The following NAV2 variants were observed in gnomAD, a reference collection of about 807,000 sequenced individuals.
NAV2 encodes the protein helicase, APC down-regulated 1.
NAV2 carries 54 observed loss-of-function variants against 223.2 expected under a neutral mutation model. The ratio of observed to expected loss-of-function variants is 0.24; its 90% CI spans 0.19 to 0.30. NAV2 has a LOEUF of 0.30. Among genes scored for constraint, NAV2 ranks in the 10% least tolerant of loss-of-function variants. NAV2 has a pLI of 1.00. For synonymous variants in NAV2, 1,279 were observed against 1,239.3 expected (o/e 1.03, Z -0.67); for missense variants, 2,806 against 3,147.5 (o/e 0.89, Z 2.60).
chr11:19,468,748 C>A (rs1267883091), intron 1 of NAV2, among the ~76,000 whole-genome samples: 2 of 152,142 alleles, frequency 1.3e-5, no homozygotes, highest in East Asian at 3.8e-4. Context: ...TAGTAAATCT[C>A]AAAATTTGGA....
intron 1 of NAV2, among the ~76,000 whole-genome samples, chr11:19,536,950 T>C (rs1432006513): frequency 6.6e-6 from 1 of 152,240 alleles, no homozygotes; most frequent in East Asian, 1.9e-4. Context: ...GCATGGTAAC[T>C]GGTTATTTAC....
intron 1 of NAV2, among the ~76,000 whole-genome samples, chr11:19,686,326 G>T (rs1565167420): frequency 6.6e-6 from 1 of 152,154 alleles, no homozygotes. Context: ...CAGACTGGGA[G>T]CTCCAGGAAG....
At chr11:19,586,411 G>A (rs538195654) in intron 1 of NAV2, among the ~76,000 whole-genome samples, 9 of 152,088 alleles carry the variant, frequency 5.9e-5, no homozygotes, top group Non-Finnish European at 7.3e-5. Context: ...GCTTTGTTCC[G>A]TTGCTGGTGA....
chr11:19,484,662 C>A (rs1564975311), intron 1 of NAV2, among the ~76,000 whole-genome samples: 1 of 152,196 alleles, frequency 6.6e-6, no homozygotes, highest in Non-Finnish European at 1.5e-5. Context: ...TCCATCTTGA[C>A]CCAGACCCCT....
At chr11:19,627,822 A>C (rs1029795747) in intron 1 of NAV2, among the ~76,000 whole-genome samples, 1 of 151,800 alleles carries the variant, frequency 6.6e-6, no homozygotes, top group Non-Finnish European at 1.5e-5. Context: ...CTCCAGAGAC[A>C]GGAAACCTAG....
At chr11:19,524,602 G>A (rs544051895) in intron 1 of NAV2, among the ~76,000 whole-genome samples, 1 of 152,318 alleles carries the variant, frequency 6.6e-6, no homozygotes, top group African/African-American at 2.4e-5. Flanking sequence ...TGGAGACAGT[G>A]AGCTGACGTC....
intron 1 of NAV2, among the ~76,000 whole-genome samples, chr11:19,525,574 G>C (rs1033569633): frequency 1.3e-5 from 2 of 152,172 alleles, no homozygotes; most frequent in African/African-American, 4.8e-5. Flanking sequence ...TAGAAGGCTG[G>C]GTAGTCCCTG....
intron 1 of NAV2, among the ~76,000 whole-genome samples, chr11:19,723,151 G>A (rs2050909532): frequency 6.6e-6 from 1 of 152,204 alleles, no homozygotes; most frequent in Admixed American, 6.5e-5. Flanking sequence ...GTTTTAGTTG[G>A]TTAGGAAAGG....
intron 1 of NAV2, among the ~76,000 whole-genome samples, chr11:19,436,993 A>C (rs1046014496): frequency 1.3e-5 from 2 of 152,080 alleles, no homozygotes; most frequent in Non-Finnish European, 2.9e-5. Flanking sequence ...AGTCTAAAGG[A>C]TTTTCTATAC....
At chr11:19,458,107 C>T (rs1303005434) in intron 1 of NAV2, among the ~76,000 whole-genome samples, 1 of 152,202 alleles carries the variant, frequency 6.6e-6, no homozygotes, top group Non-Finnish European at 1.5e-5. Context: ...CACCAGTCTG[C>T]AAGCCCAGCC....
intron 11 of NAV2, among the ~76,000 whole-genome samples, chr11:20,033,071 A>G (rs1343467474): frequency 6.6e-6 from 1 of 152,248 alleles, no homozygotes; most frequent in Non-Finnish European, 1.5e-5. Context: ...GCAGCATGAC[A>G]CAGACTAGAA....
chr11:19,939,215 A>G (rs577991084), intron 7 of NAV2, among the ~76,000 whole-genome samples: 1 of 152,190 alleles, frequency 6.6e-6, no homozygotes, highest in South Asian at 2.1e-4. Context: ...TCACCTTTAT[A>G]GAGAAAACCA....
intron 1 of NAV2, among the ~76,000 whole-genome samples, chr11:19,463,372 A>G (rs952904240): frequency 6.6e-6 from 1 of 152,098 alleles, no homozygotes; most frequent in Non-Finnish European, 1.5e-5. Context: ...ACCCGTCTCC[A>G]CTCTAATCCC....
In NAV2 at chr11:19,948,999, G is replaced by T; in HGVS notation, c.2564G>T (p.Gly855Val). The T allele has an allele frequency of 6.2e-7, 1 of 1,613,864 alleles. No homozygotes were observed. Among genetic ancestry groups the T allele is most frequent in the Non-Finnish European group, 8.5e-7 (1 of 1,179,812 alleles). Residue 855 changes from glycine (G) to valine (V), a missense_variant, in exon 10 of 38, where the codon GGC becomes GTC. Physicochemically the swap from Gly to Val is moderately radical, Grantham distance 109. Coordinates refer to ENST00000349880, the MANE Select transcript of NAV2 (RefSeq NM_145117.5). ...DKAGDEMDLE[G>V]ISMDAPGYMS... ...GCAGGAGATGAGATGGACCTGGAAG[G>T]CATCAGCATGGATGCCCCCGGCTAC...
At chr11:19,945,057 TCTTTC>T (rs375500871) in intron 8 of NAV2, among the ~76,000 whole-genome samples, 4,802 of 148,836 alleles carry the variant, frequency 0.032, 101 homozygotes, top group Non-Finnish European at 0.046. Context: ...TTTCCTTTTC[TCTTTC>T]CTTTCCTTTC....
chr11:19,525,649 G>A (rs1214090585), intron 1 of NAV2, among the ~76,000 whole-genome samples: 2 of 152,190 alleles, frequency 1.3e-5, no homozygotes, highest in African/African-American at 4.8e-5. Flanking sequence ...TCTCAGTGAG[G>A]GGGTTGCAGG....
intron 1 of NAV2, among the ~76,000 whole-genome samples, chr11:19,689,609 T>C (rs902287266): frequency 2.0e-5 from 3 of 152,236 alleles, no homozygotes; most frequent in African/African-American, 7.2e-5. Context: ...TAAGTAGTTC[T>C]TTTTACAGAA....
chr11:19,460,900 C>T (rs1852134352), intron 1 of NAV2, among the ~76,000 whole-genome samples: 1 of 152,080 alleles, frequency 6.6e-6, no homozygotes, highest in African/African-American at 2.4e-5. Context: ...AGGTGGGGTC[C>T]TGTACACTCA....
intron 36 of NAV2, among the ~76,000 whole-genome samples, chr11:20,113,173 T>G (rs2062781938): frequency 6.6e-6 from 1 of 152,236 alleles, no homozygotes; most frequent in African/African-American, 2.4e-5. Context: ...CAATTCTGGC[T>G]TCTCTCCTCC....
Sources: gnomAD v4.1 joint callset for allele counts (sites outside exome capture counted in the v4.1 genomes callset) on GRCh38, gnomAD v4.1.1 for gene constraint, MANE v1.5 for transcripts, NCBI Gene and HGNC (gene_info 2026-07-23, HGNC 2026-07-21) for gene names.